NCAM2: variants seen among roughly 807,000 people sequenced by gnomAD.
The protein encoded by NCAM2 is N-CAM-2.
Under a neutral mutation model 98.1 loss-of-function variants are expected in NCAM2, and 30 were observed. The ratio of observed to expected loss-of-function variants is 0.31; its 90% CI spans 0.23 to 0.41. The LOEUF is 0.41. Ranked by LOEUF, NCAM2 falls within the 10% of genes least tolerant of loss-of-function variation. NCAM2 has a pLI of 1.00. For missense variants in NCAM2, 867 were observed against 1,005.8 expected (o/e 0.86, Z 1.87); for synonymous variants, 368 against 342.4 (o/e 1.07, Z -0.83).
At chr21:21,155,958 A>T (rs2067599453) in intron 1 of NCAM2, among the ~76,000 whole-genome samples, 1 of 152,020 alleles carries the variant, frequency 6.6e-6, no homozygotes, top group African/African-American at 2.4e-5. Context: ...ATGTGGAACC[A>T]CTATCATACC....
intron 1 of NCAM2, among the ~76,000 whole-genome samples, chr21:21,078,139 A>G (rs2065718230): frequency 6.6e-6 from 1 of 152,140 alleles, no homozygotes; most frequent in East Asian, 1.9e-4. Context: ...ATTTTGTTTT[A>G]TGCTAACCTA....
chr21:21,113,042 G>A (rs956261412), intron 1 of NCAM2, among the ~76,000 whole-genome samples: 4 of 152,174 alleles, frequency 2.6e-5, no homozygotes, highest in African/African-American at 9.6e-5. Context: ...CTTTATATTA[G>A]GGGTATTGTG....
intron 4 of NCAM2, among the ~76,000 whole-genome samples, chr21:21,290,782 T>C (rs992419287): frequency 6.6e-6 from 1 of 151,846 alleles, no homozygotes; most frequent in Non-Finnish European, 1.5e-5. Context: ...CTATTTGTTA[T>C]TTCTAGCCCC....
rs77889344 is a variant in NCAM2, at chr21:21,118,496, T to C, written c.55+119878T>C. Among the ~76,000 whole-genome samples the C allele has an allele frequency of 2.6e-3, 402 of 152,254 alleles. 5 individuals carry two copies. The highest frequency in any genetic ancestry group is 9.2e-3 in the African/African-American group (384 of 41,556). ...AGCTAAAAGGAAGGGGTGAGGGACC[T>C]TGTAGGTTGAGAGAAAGCAGTAAGG... On this transcript the variant is annotated intron_variant, in intron 1 of 17. Coordinates refer to ENST00000400546, the MANE Select transcript of NCAM2 (RefSeq NM_004540.5).
chr21:21,471,989 CAT>C (rs1194160068), intron 14 of NCAM2, among the ~76,000 whole-genome samples: 4 of 151,946 alleles, frequency 2.6e-5, no homozygotes, highest in African/African-American at 9.7e-5. Context: ...TAAAGACAAA[CAT>C]ATTAATCTCA....
At chr21:21,302,157 G>A (rs1240185186) in intron 5 of NCAM2, among the ~76,000 whole-genome samples, 1 of 146,132 alleles carries the variant, frequency 6.8e-6, no homozygotes, top group Non-Finnish European at 1.5e-5. Context: ...AAAGACACAT[G>A]CACACGTATG....
At position 21,538,501 on chromosome 21, in the gene NCAM2, A is replaced by G. The variant is rs1038181266; in HGVS notation, c.*544A>G. ...CAGTTATCTTTAGCAGATATTAAAAATTGAAAACTTTGGAGAACTCATTTC... is the reference window on the plus strand; with the variant it reads ...CAGTTATCTTTAGCAGATATTAAAAGTTGAAAACTTTGGAGAACTCATTTC... On this transcript the variant is annotated 3_prime_UTR_variant, in exon 18 of 18. Transcript: ENST00000400546. 3.3e-5 allele frequency: 5 copies of G among 152,608 alleles called. No individual in the cohort carries two copies. Among genetic ancestry groups the G allele is most frequent in the African/African-American group, 4.8e-5 (2 of 41,448 alleles). 9.5% of individuals were successfully genotyped at this position (152,608 alleles called of 1,614,324 possible). A position where few individuals can be genotyped will look rare whatever the true frequency, so the allele number is the denominator to read the frequency against.
At chr21:21,068,218 T>G (rs1331649925) in intron 1 of NCAM2, among the ~76,000 whole-genome samples, 1 of 144,914 alleles carries the variant, frequency 6.9e-6, no homozygotes, top group Admixed American at 7.1e-5. Flanking sequence ...CTGCAACCTC[T>G]GCCTCCAGGA....
chr21:21,015,721 G>A (rs1000080008), intron 1 of NCAM2, among the ~76,000 whole-genome samples: 2 of 151,794 alleles, frequency 1.3e-5, no homozygotes, highest in African/African-American at 4.8e-5. Flanking sequence ...GGTTTTTTTT[G>A]AGACAAAGTC....
At chr21:21,481,172 C>T (rs1481634696) in intron 15 of NCAM2, among the ~76,000 whole-genome samples, 2 of 152,056 alleles carry the variant, frequency 1.3e-5, no homozygotes, top group Non-Finnish European at 2.9e-5. Context: ...ACTAGAAGGG[C>T]GACTGGCACA....
chr21:21,379,295 C>T (rs1035512768), intron 9 of NCAM2, among the ~76,000 whole-genome samples: 2 of 151,944 alleles, frequency 1.3e-5, no homozygotes, highest in East Asian at 3.9e-4. Flanking sequence ...TATTTCCTTT[C>T]TTCTATGTAT....
At chr21:21,082,978 G>A (rs1051480192) in intron 1 of NCAM2, among the ~76,000 whole-genome samples, 2 of 152,194 alleles carry the variant, frequency 1.3e-5, no homozygotes, top group Non-Finnish European at 2.9e-5. Flanking sequence ...CTGAGTTAGA[G>A]GTCTACTGTT....
chr21:21,186,203 A>C (rs1042867779), intron 1 of NCAM2, among the ~76,000 whole-genome samples: 3 of 152,174 alleles, frequency 2.0e-5, no homozygotes, highest in Non-Finnish European at 4.4e-5. Flanking sequence ...TTAGTTTTCA[A>C]AGGTCACAAG....
intron 1 of NCAM2, among the ~76,000 whole-genome samples, chr21:21,051,705 T>C (rs773647289): frequency 7.9e-5 from 12 of 152,202 alleles, no homozygotes; most frequent in Non-Finnish European, 1.6e-4. Context: ...TTTCTGTAAA[T>C]TTGGCCACAT....
chr21:21,382,153 G>A (rs186025682), intron 9 of NCAM2, among the ~76,000 whole-genome samples: 4 of 152,104 alleles, frequency 2.6e-5, no homozygotes, highest in African/African-American at 9.6e-5. Flanking sequence ...AATTTGATTA[G>A]GATAAGTCTA....
At chr21:21,527,506 TATA>T (rs750993606) in intron 16 of NCAM2, among the ~76,000 whole-genome samples, 5 of 152,232 alleles carry the variant, frequency 3.3e-5, no homozygotes, top group Admixed American at 6.5e-5. Flanking sequence ...TTAAACTCTA[TATA>T]ATAAAAAGAA....
intron 1 of NCAM2, among the ~76,000 whole-genome samples, chr21:21,020,082 G>A (rs190932724): frequency 3.3e-4 from 50 of 152,030 alleles, no homozygotes; most frequent in Admixed American, 2.9e-3. Context: ...TGCTGCCTGG[G>A]CTGGAGTGCA....
intron 12 of NCAM2, among the ~76,000 whole-genome samples, chr21:21,457,112 GC>G (rs2146171212): frequency 6.6e-6 from 1 of 152,276 alleles, no homozygotes; most frequent in Non-Finnish European, 1.5e-5. Context: ...TAAGAGTTTT[GC>G]AGTACATGCT....
chr21:21,482,851 C>A (rs1037127232), intron 15 of NCAM2, among the ~76,000 whole-genome samples: 1 of 151,802 alleles, frequency 6.6e-6, no homozygotes, highest in East Asian at 1.9e-4. Flanking sequence ...TTTCCATAAT[C>A]AATCGTGTTC....
Sources: gnomAD v4.1 joint callset for allele counts (sites outside exome capture counted in the v4.1 genomes callset) on GRCh38, gnomAD v4.1.1 for gene constraint, MANE v1.5 for transcripts, NCBI Gene and HGNC (gene_info 2026-07-23, HGNC 2026-07-21) for gene names.